The following COL4A6 variants were observed in gnomAD, a reference collection of about 807,000 sequenced individuals.
COL4A6 encodes the protein collagen type IV alpha 6 chain, also known as collagen alpha-6(IV) chain.
COL4A6 carries 59 observed loss-of-function variants against 126.7 expected under a neutral mutation model. The observed-to-expected ratio is 0.47, with a 90% CI of 0.38 to 0.58. COL4A6 has a LOEUF of 0.58. Ranked by LOEUF, COL4A6 falls within the 20% of genes least tolerant of loss-of-function variation. The pLI is 0.00. For missense variants in COL4A6, 1,285 were observed against 1,337.3 expected (o/e 0.96, Z 0.61); for synonymous variants, 547 against 496.6 (o/e 1.10, Z -1.35).
chrX:108,179,459 A>G (rs1173769763), intron 25 of COL4A6, 21 bp from the exon 26 acceptor site: 2 of 1,139,095 alleles, frequency 1.8e-6, no homozygotes, highest in Admixed American at 2.3e-5. Flanking sequence ...AAAGGCGAAC[A>G]TAAAAGACCA....
intron 42 of COL4A6, among the ~76,000 whole-genome samples, chrX:108,161,261 C>G (rs1183455191): frequency 1.8e-5 from 2 of 111,552 alleles, no homozygotes; most frequent in East Asian, 5.6e-4. Flanking sequence ...GTGTTGTTAT[C>G]CCTTGAACAT....
chrX:108,293,386 G>C (rs912422119), intron 3 of COL4A6, among the ~76,000 whole-genome samples: 6 of 111,654 alleles, frequency 5.4e-5, no homozygotes, highest in African/African-American at 2.0e-4. Flanking sequence ...TATTAGTCAA[G>C]TTTGGGTCTC....
At chrX:108,382,495 C>T (rs943979538) in intron 2 of COL4A6, among the ~76,000 whole-genome samples, 2 of 111,259 alleles carry the variant, frequency 1.8e-5, no homozygotes, top group Non-Finnish European at 3.8e-5. Context: ...TCTCACTTTC[C>T]AAATATGTCA....
intron 41 of COL4A6, among the ~76,000 whole-genome samples, chrX:108,162,075 C>T (rs1364162323): frequency 8.9e-6 from 1 of 112,397 alleles, no homozygotes; most frequent in Non-Finnish European, 1.9e-5. Context: ...CGAGGCTGGG[C>T]GCAGTGGCTC....
intron 3 of COL4A6, among the ~76,000 whole-genome samples, chrX:108,308,045 T>C (rs752427940): frequency 3.2e-4 from 36 of 112,109 alleles, no homozygotes; most frequent in African/African-American, 1.1e-3. Flanking sequence ...TTTAGGAACA[T>C]ATTTGACAGT....
At chrX:108,294,412 T>G (rs866785982) in intron 3 of COL4A6, among the ~76,000 whole-genome samples, 2,507 of 87,116 alleles carry the variant, frequency 0.029, 60 homozygotes, top group East Asian at 0.19. Flanking sequence ...TTTTTTTTTT[T>G]TGGTGTGTGT....
chrX:108,375,557 T>G (rs1313522264), intron 2 of COL4A6, among the ~76,000 whole-genome samples: 1 of 111,111 alleles, frequency 9.0e-6, no homozygotes, highest in African/African-American at 3.3e-5. Flanking sequence ...CTACCTTTTC[T>G]CCTGGAATCT....
At chrX:108,356,218 G>A (rs189106068) in intron 2 of COL4A6, among the ~76,000 whole-genome samples, 325 of 105,963 alleles carry the variant, frequency 3.1e-3, no homozygotes, top group African/African-American at 0.011. Flanking sequence ...TTGTCCTTGC[G>A]ATAGTTTACT....
chrX:108,299,821 C>T (rs1239683510), intron 3 of COL4A6, among the ~76,000 whole-genome samples: 1 of 111,718 alleles, frequency 9.0e-6, no homozygotes, highest in Non-Finnish European at 1.9e-5. Flanking sequence ...CTAAGTCCAC[C>T]GTAGGAGCCT....
intron 2 of COL4A6, among the ~76,000 whole-genome samples, chrX:108,338,008 T>A (rs1051943484): frequency 9.0e-6 from 1 of 110,857 alleles, no homozygotes; most frequent in Admixed American, 9.6e-5. Context: ...AGAAGTCCAA[T>A]TAGCTGGACC....
chrX:108,287,252 T>C (rs772254435), intron 3 of COL4A6, among the ~76,000 whole-genome samples: 1 of 112,388 alleles, frequency 8.9e-6, no homozygotes, highest in Non-Finnish European at 1.9e-5. Context: ...ATCTGTGTTA[T>C]TTCTGGGTCA....
Position 108,236,399 on chromosome X carries a change from A to G in COL4A6, c.145-15025T>C, listed in dbSNP as rs773680887. ...ATCTGCAAGAGGAAAGATCTCCCAA[A>G]GGCAAAGCTAAAGAGCACAATTAGG... On this transcript the variant is annotated intron_variant, in intron 3 of 44. Transcript: ENST00000334504. Among the ~76,000 whole-genome samples, 9 of 111,393 alleles carry G rather than the reference A, an allele frequency of 8.1e-5. No individual in the cohort carries two copies. In the South Asian group the frequency reaches 3.5e-3, roughly 43 times the overall value.
chrX:108,253,962 G>T (rs765370962), intron 3 of COL4A6, among the ~76,000 whole-genome samples: 1 of 111,652 alleles, frequency 9.0e-6, no homozygotes, highest in African/African-American at 3.2e-5. Flanking sequence ...GAATTGTTTG[G>T]TTCACTGAGG....
chrX:108,242,713 C>T (rs1483048402), intron 3 of COL4A6, among the ~76,000 whole-genome samples: 1 of 110,924 alleles, frequency 9.0e-6, no homozygotes, highest in Non-Finnish European at 1.9e-5. Flanking sequence ...TAAAAGTGGT[C>T]GCTTGACTCA....
intron 7 of COL4A6, among the ~76,000 whole-genome samples, chrX:108,210,568 A>T (rs894707333): frequency 4.4e-5 from 5 of 112,465 alleles, no homozygotes; most frequent in Non-Finnish European, 9.4e-5. Flanking sequence ...GATATTTGGC[A>T]AAGCCATTTA....
chrX:108,337,730 A>T (rs1056102356), intron 2 of COL4A6, among the ~76,000 whole-genome samples: 4 of 112,538 alleles, frequency 3.6e-5, no homozygotes, highest in Admixed American at 9.4e-5. Flanking sequence ...ATTCAATGAG[A>T]TAATGCAAGC....
rs755481604 is a variant in COL4A6, at chrX:108,297,970, CCACA to C, written c.144+12774_144+12777del. On this transcript the variant is annotated intron_variant, in intron 3 of 44. Coordinates refer to ENST00000334504, the MANE Select transcript of COL4A6 (RefSeq NM_033641.4). ...TCACGTGTGTGTGTGAGTACACACA[CCACA>C]CACACACACACACACATCTTGCCTT... Among the ~76,000 whole-genome samples the C allele has an allele frequency of 5.1e-3, 536 of 105,423 alleles. 3 individuals carry two copies. The highest frequency in any genetic ancestry group is 0.017 in the African/African-American group (487 of 29,028). The allele number at this position is 105,423 out of a possible 115,157, so 91.5% of individuals were successfully genotyped here.
intron 11 of COL4A6, among the ~76,000 whole-genome samples, chrX:108,204,821 T>C (rs1396246149): frequency 9.0e-6 from 1 of 110,844 alleles, no homozygotes; most frequent in Non-Finnish European, 1.9e-5. Context: ...GAGGCAAGAG[T>C]TGTTCCTTCA....
intron 2 of COL4A6, among the ~76,000 whole-genome samples, chrX:108,429,235 G>T (rs2064139648): frequency 8.9e-6 from 1 of 112,427 alleles, no homozygotes; most frequent in Non-Finnish European, 1.9e-5. Flanking sequence ...GTTGCCTAGC[G>T]TGCAGAATGA....
Sources: allele counts gnomAD v4.1 joint callset (sites outside exome capture counted in the v4.1 genomes callset), GRCh38; gene constraint gnomAD v4.1.1; transcripts MANE v1.5; gene names NCBI Gene and HGNC (gene_info 2026-07-23, HGNC 2026-07-21).